The following PKP4 variants were observed in gnomAD, a reference collection of about 807,000 sequenced individuals.
PKP4 encodes the protein plakophilin-4.
In PKP4, 90 loss-of-function variants were observed where a neutral mutation model predicts 145.1. The observed-to-expected ratio is 0.62, with a 90% CI of 0.52 to 0.74. The LOEUF (loss-of-function observed/expected upper bound fraction) is 0.74. Ranked by LOEUF, PKP4 falls within the 30% of genes least tolerant of loss-of-function variation. The pLI is 0.00. For missense variants in PKP4, 1,340 were observed against 1,482.7 expected, an observed-to-expected ratio of 0.90 and a Z score of 1.58; for synonymous variants, 563 against 577.2, an observed-to-expected ratio of 0.98 and a Z score of 0.35.
At chr2:158,627,140 TG>T (rs762924771) in intron 7 of PKP4, among the ~76,000 whole-genome samples, 10 of 152,204 alleles carry the variant, frequency 6.6e-5, no homozygotes, top group Non-Finnish European at 1.3e-4. Context: ...CCAAGAAGTG[TG>T]CTTGACTTAG....
At chr2:158,556,847 G>A (rs1045191939) in intron 2 of PKP4, among the ~76,000 whole-genome samples, 1 of 152,202 alleles carries the variant, frequency 6.6e-6, no homozygotes, top group East Asian at 1.9e-4. Flanking sequence ...TCACGTCAGA[G>A]TAAAGCCAGG....
chr2:158,646,076 C>T (rs763911681), intron 11 of PKP4, among the ~76,000 whole-genome samples: 15 of 152,158 alleles, frequency 9.9e-5, no homozygotes, highest in Non-Finnish European at 1.6e-4. Flanking sequence ...TCAGAAAGAG[C>T]TGTTTTCCTA....
At chr2:158,606,820 C>G (rs553555057) in intron 4 of PKP4, among the ~76,000 whole-genome samples, 1 of 152,212 alleles carries the variant, frequency 6.6e-6, no homozygotes, top group East Asian at 1.9e-4. Flanking sequence ...AAGCAAACAT[C>G]CTTGCCCTCT....
intron 1 of PKP4, among the ~76,000 whole-genome samples, chr2:158,475,667 A>C (rs2105417825): frequency 6.6e-6 from 1 of 152,226 alleles, no homozygotes. Context: ...CAGCATCTTC[A>C]CCCCTTAGTT....
intron 1 of PKP4, among the ~76,000 whole-genome samples, chr2:158,480,299 C>T (rs1340907766): frequency 5.9e-5 from 9 of 152,060 alleles, no homozygotes; most frequent in Admixed American, 1.3e-4. Context: ...TGCAATAGTG[C>T]GATCTCGGCT....
chr2:158,528,764 T>G (rs2105606458), intron 1 of PKP4, among the ~76,000 whole-genome samples: 1 of 150,580 alleles, frequency 6.6e-6, no homozygotes, highest in South Asian at 2.1e-4. Flanking sequence ...CCCACACATG[T>G]AAGAGTTGGT....
chr2:158,512,431 A>C (rs1483930749), intron 1 of PKP4, among the ~76,000 whole-genome samples: 1 of 152,250 alleles, frequency 6.6e-6, no homozygotes. Context: ...CAGCAGTGGT[A>C]GAGAGTTGTG....
intron 2 of PKP4, among the ~76,000 whole-genome samples, chr2:158,554,565 A>C (rs1310888644): frequency 2.6e-5 from 4 of 151,794 alleles, no homozygotes. Context: ...AGCTGGGACT[A>C]CAGGTGCCCG....
At chr2:158,609,492 A>C (rs756330097) in intron 4 of PKP4, among the ~76,000 whole-genome samples, 2 of 152,188 alleles carry the variant, frequency 1.3e-5, no homozygotes, top group African/African-American at 2.4e-5. Context: ...TATACTTTGC[A>C]TGTTTACTTT....
intron 1 of PKP4, among the ~76,000 whole-genome samples, chr2:158,476,798 A>C (rs1573997056): frequency 6.6e-6 from 1 of 152,176 alleles, no homozygotes; most frequent in South Asian, 2.1e-4. Context: ...AGAAAGTAAA[A>C]CCCGAGTATA....
intron 13 of PKP4, 171 bp downstream of exon 13, chr2:158,661,621 ACT>A: frequency 1.9e-6 from 1 of 523,364 alleles, no homozygotes; most frequent in Non-Finnish European, 3.5e-6. Flanking sequence ...GGACGTGGCA[ACT>A]TAAGAAAATA....
rs115811104 is a variant in PKP4, at chr2:158,534,318, C to T, written c.132+1002C>T. On this transcript the variant is annotated intron_variant, in intron 2 of 21. Coordinates refer to ENST00000389759, the MANE Select transcript of PKP4 (RefSeq NM_003628.6). Reference sequence around the variant, plus strand: ...CTCTATAACCGTGACACATGTCTGACGTTAGAACTGTGTTTTCAAGAAAAA... The same window carrying T: ...CTCTATAACCGTGACACATGTCTGATGTTAGAACTGTGTTTTCAAGAAAAA... Among the ~76,000 whole-genome samples the T allele has an allele frequency of 4.8e-3, 731 of 152,248 alleles. 1 individual carries two copies. The highest frequency in any genetic ancestry group is 0.016 in the African/African-American group (667 of 41,544).
Position 158,540,567 on chromosome 2 carries a change from G to A in PKP4, c.132+7251G>A, listed in dbSNP as rs182345184. The stretch of plus-strand genomic sequence containing the variant: ...TCAGAAGAATGCAGAGGCACAAACC[G>A]TATTTATACTTCAATATAGAGTAAT... On this transcript the variant is annotated intron_variant, in intron 2 of 21. Transcript: ENST00000389759. 1.1e-4 allele frequency among the ~76,000 whole-genome samples: 16 copies of A among 152,164 alleles called. No individual in the cohort carries two copies. In the East Asian group the frequency reaches 2.9e-3, roughly 28 times the overall value.
chr2:158,542,014 A>G (rs1368463919), intron 2 of PKP4, among the ~76,000 whole-genome samples: 2 of 152,124 alleles, frequency 1.3e-5, no homozygotes, highest in African/African-American at 4.8e-5. Flanking sequence ...TTCCATCACA[A>G]AGTTGACATG....
intron 17 of PKP4, among the ~76,000 whole-genome samples, chr2:158,673,467 C>T (rs1315769328): frequency 2.0e-5 from 3 of 152,230 alleles, no homozygotes; most frequent in African/African-American, 7.2e-5. Flanking sequence ...GCCTGATGGC[C>T]TCACTTCAGT....
At chr2:158,559,712 GT>G (rs373175166) in intron 2 of PKP4, among the ~76,000 whole-genome samples, 1 of 151,958 alleles carries the variant, frequency 6.6e-6, no homozygotes, top group African/African-American at 2.4e-5. Flanking sequence ...CAAGGGCAGA[GT>G]TTTTTTTGTT....
At chr2:158,551,915 C>T (rs1030380950) in intron 2 of PKP4, among the ~76,000 whole-genome samples, 6 of 152,188 alleles carry the variant, frequency 3.9e-5, no homozygotes, top group African/African-American at 1.2e-4. Flanking sequence ...TATGCTGTCT[C>T]TCTAAACTGA....
intron 1 of PKP4, chr2:158,458,308 G>A (rs1490608162): frequency 6.6e-6 from 1 of 152,550 alleles, no homozygotes; most frequent in Non-Finnish European, 1.5e-5. Context: ...TTCGGAGCTG[G>A]TGAGCCTCAT....
chr2:158,587,304 T>A (rs2048884352), intron 3 of PKP4, among the ~76,000 whole-genome samples: 1 of 152,124 alleles, frequency 6.6e-6, no homozygotes, highest in African/African-American at 2.4e-5. Context: ...TAAAGAACAA[T>A]TTTAGTTAAA....
Sources: allele counts gnomAD v4.1 joint callset (sites outside exome capture counted in the v4.1 genomes callset), GRCh38; gene constraint gnomAD v4.1.1; transcripts MANE v1.5; gene names NCBI Gene and HGNC (gene_info 2026-07-23, HGNC 2026-07-21).